The following TXNRD2 variants were observed in gnomAD, a reference collection of about 807,000 sequenced individuals.
TXNRD2 encodes thioredoxin reductase 2, mitochondrial.
In TXNRD2, 67 loss-of-function variants were observed where a neutral mutation model predicts 70.8. That is an observed-to-expected ratio of 0.95 (90% confidence interval 0.78 to 1.16). The LOEUF (loss-of-function observed/expected upper bound fraction) is 1.16, where lower values mean the gene tolerates loss of function less well. TXNRD2 is among the 50% of genes most tolerant of loss of function. TXNRD2 has a pLI of 0.00. For missense variants in TXNRD2, 644 were observed against 719.9 expected, an observed-to-expected ratio of 0.89 and a Z score of 1.21; for synonymous variants, 301 against 295.8, an observed-to-expected ratio of 1.02 and a Z score of -0.18.
intron 9 of TXNRD2, 104 bp from the exon 10 acceptor site, chr22:19,898,234 T>C: frequency 1.8e-6 from 2 of 1,118,514 alleles, no homozygotes; most frequent in Non-Finnish European, 2.6e-6. Flanking sequence ...CATCCATGGC[T>C]GGCCCTGGAG....
intron 8 of TXNRD2, among the ~76,000 whole-genome samples, chr22:19,909,871 C>CCACTCACACACACAACCACACACACCCT (rs1569093857): frequency 1.8e-5 from 1 of 55,654 alleles, no homozygotes; most frequent in East Asian, 5.0e-4. Context: ...ACACACACAC[C>CCACTCACACACACAACCACACACACCCT]ACTCACACAC....
chr22:19,941,558 G>A (rs1941715204), intron 1 of TXNRD2, 143 bp downstream of exon 1: 5 of 1,293,262 alleles, frequency 3.9e-6, no homozygotes, highest in Non-Finnish European at 4.9e-6. Flanking sequence ...TCCTGAGCAA[G>A]ACTAGACCAA....
rs144497090 is a variant in TXNRD2, at chr22:19,877,126, C to T, written c.1554G>A (p.Thr518=). Residue 518 remains threonine (T), a synonymous_variant, in exon 17 of 18, where the codon ACG becomes ACA. Coordinates refer to ENST00000400521, the MANE Select transcript of TXNRD2 (RefSeq NM_006440.5). ...GCGCTTACCCTCAGCAGCCTGTCACCGTGGGGTCCAGGCCTGAGCGCTTGG... is the reference window on the plus strand; with the variant it reads ...GCGCTTACCCTCAGCAGCCTGTCACTGTGGGGTCCAGGCCTGAGCGCTTGG... ...RISKRSGLDP[T]VTGCUG The T allele has an allele frequency of 8.7e-6, 14 of 1,601,346 alleles. No individual in the cohort carries two copies. The highest frequency in any genetic ancestry group is 8.4e-5 in the Admixed American group (5 of 59,774).
At chr22:19,882,911 G>A (rs1292972947) in intron 12 of TXNRD2, among the ~76,000 whole-genome samples, 1 of 152,278 alleles carries the variant, frequency 6.6e-6, no homozygotes, top group East Asian at 1.9e-4. Context: ...GGGGAGGGCG[G>A]GGCCAGGTGG....
Position 19,915,721 on chromosome 22 carries a change from C to T in TXNRD2, c.528+44G>A, listed in dbSNP as rs368966749. The stretch of plus-strand genomic sequence containing the variant: ...AGCTGCAGTTGGTGCCCAAGGTCTG[C>T]AGAAGGGTCCACAAGGAGCCACGCG... On this transcript the variant is annotated intron_variant, in intron 6 of 17. Coordinates refer to ENST00000400521, the MANE Select transcript of TXNRD2 (RefSeq NM_006440.5). 2.1e-5 allele frequency: 34 copies of T among 1,586,584 alleles called. No homozygotes were observed. In the African/African-American group the frequency reaches 4.4e-4, roughly 21 times the overall value.
At chr22:19,906,982 G>A (rs1477170454) in intron 8 of TXNRD2, among the ~76,000 whole-genome samples, 4 of 77,408 alleles carry the variant, frequency 5.2e-5, no homozygotes, top group Admixed American at 2.0e-4. Context: ...TGTGGGCACC[G>A]TGGGTAGCAG....
chr22:19,880,700 T>C lies in TXNRD2; in HGVS notation c.1104A>G (p.Thr368=), dbSNP rs1601384637. ...GDVVEGRPEL[T]PIAIMAGRLL... ...GCCTCCCGGCCATGATCGCTATGGG[T>C]GTCAGCTCAGGCCGCCCCTTGGGGA... Residue 368 remains threonine (T), a synonymous_variant, in exon 13 of 18, where the codon ACA becomes ACG. Transcript: ENST00000400521. The C allele has an allele frequency of 1.9e-6, 3 of 1,612,820 alleles. No individual in the cohort carries two copies. Among genetic ancestry groups the C allele is most frequent in the Non-Finnish European group, 2.5e-6 (3 of 1,179,932 alleles).
chr22:19,919,532 G>A lies in TXNRD2; in HGVS notation c.229+11C>T, dbSNP rs1048737622. ...CCCCAGGACACCCGGCTCCCATAGG[G>A]TGCTGCCTACCTTGGGGAGAAGGTT... On this transcript the variant is annotated intron_variant, in intron 3 of 17. Coordinates refer to ENST00000400521, the MANE Select transcript of TXNRD2 (RefSeq NM_006440.5). 6 of 1,556,866 alleles carry A rather than the reference G, an allele frequency of 3.9e-6. No homozygotes were observed. The highest frequency in any genetic ancestry group is 5.2e-6 in the Non-Finnish European group (6 of 1,150,486).
chr22:19,879,861 T>G (rs1601382795), intron 14 of TXNRD2, among the ~76,000 whole-genome samples: 1 of 150,818 alleles, frequency 6.6e-6, no homozygotes, highest in African/African-American at 2.4e-5. Flanking sequence ...ATGGCTGGGG[T>G]GGGGCTGGGG....
At chr22:19,929,320 C>T (rs1223473443) in intron 2 of TXNRD2, among the ~76,000 whole-genome samples, 4 of 143,840 alleles carry the variant, frequency 2.8e-5, no homozygotes, top group African/African-American at 1.0e-4. Context: ...GAGCGAGACT[C>T]CATCTCAAAA....
intron 11 of TXNRD2, among the ~76,000 whole-genome samples, chr22:19,888,954 C>G (rs1026025747): frequency 1.3e-5 from 2 of 151,876 alleles, no homozygotes; most frequent in Non-Finnish European, 2.9e-5. Context: ...ATGAGCCCAC[C>G]AGGGGGAAGG....
At chr22:19,920,963 T>C (rs1443793193) in intron 2 of TXNRD2, among the ~76,000 whole-genome samples, 3 of 151,338 alleles carry the variant, frequency 2.0e-5, no homozygotes, top group African/African-American at 4.9e-5. Context: ...CAAAATTAGT[T>C]GGGCGTGGTG....
At chr22:19,895,312 G>A in intron 11 of TXNRD2, 95 bp downstream of exon 11, 1 of 1,598,774 alleles carries the variant, frequency 6.3e-7, no homozygotes, top group Non-Finnish European at 8.5e-7. Context: ...CCAGCAGGAT[G>A]GGGGAGCCCT....
chr22:19,878,046 C>T, intron 16 of TXNRD2, 44 bp downstream of exon 16: 1 of 1,538,190 alleles, frequency 6.5e-7, no homozygotes, highest in African/African-American at 1.4e-5. Context: ...TCGAGGGATA[C>T]CCAGCTGCAC....
Position 19,913,946 on chromosome 22 carries a change from C to T in TXNRD2, c.591+1268G>A, listed in dbSNP as rs556367380. ...TAAAGACTTCAGTGGCCACATACAT[C>T]AAAGAATAAGAGTCTACAAAGTCAG... is the stretch of plus-strand genomic sequence containing the variant. On this transcript the variant is annotated intron_variant, in intron 7 of 17. Coordinates refer to ENST00000400521, the MANE Select transcript of TXNRD2 (RefSeq NM_006440.5). 5.9e-5 allele frequency among the ~76,000 whole-genome samples: 9 copies of T among 152,342 alleles called. 1 individual carries two copies. Among genetic ancestry groups the T allele is most frequent in the African/African-American group, 1.9e-4 (8 of 41,586 alleles).
chr22:19,877,981 G>T lies in TXNRD2; in HGVS notation c.1445+109C>A, dbSNP rs1028523022. 3.2e-6 allele frequency: 3 copies of T among 941,606 alleles called. No individual in the cohort carries two copies. The Admixed American group carries it at 6.0e-5, about 19-fold the overall frequency. The allele number at this position is 941,606 out of a possible 1,614,324, so 58.3% of individuals were successfully genotyped here. On this transcript the variant is annotated intron_variant, in intron 16 of 17. Coordinates refer to ENST00000400521, the MANE Select transcript of TXNRD2 (RefSeq NM_006440.5). ...GAATCTCTGCTGCAAACCCACGAAG[G>T]CCACATAAATGCCGCAAGAGTGGCA...
intron 16 of TXNRD2, 54 bp downstream of exon 16, chr22:19,878,036 T>G: frequency 1.3e-6 from 2 of 1,489,828 alleles, no homozygotes; most frequent in Non-Finnish European, 1.9e-6. Flanking sequence ...CTGCCGGCAC[T>G]CGAGGGATAC....
At chr22:19,897,066 T>G (rs1391949653) in intron 10 of TXNRD2, among the ~76,000 whole-genome samples, 1 of 152,170 alleles carries the variant, frequency 6.6e-6, no homozygotes, top group African/African-American at 2.4e-5. Context: ...TCCCCACATC[T>G]GAAGGCTCTG....
chr22:19,922,060 C>T (rs1404363756), intron 2 of TXNRD2, among the ~76,000 whole-genome samples: 1 of 151,974 alleles, frequency 6.6e-6, no homozygotes, highest in Non-Finnish European at 1.5e-5. Context: ...TCTAGAAATA[C>T]AAAAATGCCC....
Sources: gnomAD v4.1 joint callset for allele counts (sites outside exome capture counted in the v4.1 genomes callset) on GRCh38, gnomAD v4.1.1 for gene constraint, MANE v1.5 for transcripts, NCBI Gene and HGNC (gene_info 2026-07-23, HGNC 2026-07-21) for gene names.